MTMR2: variants seen among roughly 807,000 people sequenced by gnomAD.
The protein encoded by MTMR2 is myotubularin related protein 2.
A neutral mutation model predicts 86.9 loss-of-function variants in MTMR2; 55 were observed. That is an observed-to-expected ratio of 0.63 (90% CI 0.51 to 0.79). The LOEUF (loss-of-function observed/expected upper bound fraction) is 0.79, where lower values mean the gene tolerates loss of function less well. Among genes scored for constraint, MTMR2 ranks in the 30% least tolerant of loss-of-function variants. The pLI, the probability that MTMR2 is intolerant of heterozygous loss-of-function variation, is 0.00. For missense variants in MTMR2, 659 were observed against 772.3 expected (o/e 0.85, Z 1.74); for synonymous variants, 241 against 266.8 (o/e 0.90, Z 0.94).
intron 1 of MTMR2, among the ~76,000 whole-genome samples, chr11:95,891,633 T>C (rs1322027887): frequency 1.3e-5 from 2 of 152,206 alleles, no homozygotes; most frequent in South Asian, 2.1e-4. Flanking sequence ...TATTAACTTC[T>C]CTTCAGACAC....
intron 2 of MTMR2, among the ~76,000 whole-genome samples, chr11:95,882,762 G>A (rs577343128): frequency 4.8e-5 from 7 of 145,814 alleles, no homozygotes; most frequent in Non-Finnish European, 7.5e-5. Context: ...TCACTCTGTC[G>A]CCCAGGCTGG....
chr11:95,896,884 T>G (rs980521361), intron 1 of MTMR2, among the ~76,000 whole-genome samples: 5 of 148,582 alleles, frequency 3.4e-5, no homozygotes, highest in Admixed American at 1.3e-4. Context: ...GAGGTTGTCT[T>G]AAAAGAATGA....
chr11:95,863,016 T>C (rs535066819), intron 3 of MTMR2, among the ~76,000 whole-genome samples: 1 of 152,350 alleles, frequency 6.6e-6, no homozygotes, highest in African/African-American at 2.4e-5. Context: ...ACAATGGATC[T>C]ACATGGCATT....
intron 7 of MTMR2, among the ~76,000 whole-genome samples, chr11:95,853,510 A>G (rs1864099161): frequency 6.6e-6 from 1 of 152,116 alleles, no homozygotes; most frequent in Non-Finnish European, 1.5e-5. Flanking sequence ...CCTTTACCAG[A>G]CTTAGCAAAG....
chr11:95,844,368 C>T (rs1262361338), intron 11 of MTMR2, among the ~76,000 whole-genome samples: 1 of 152,176 alleles, frequency 6.6e-6, no homozygotes, highest in African/African-American at 2.4e-5. Context: ...AACCCTTGAA[C>T]AACACGGTTA....
intron 7 of MTMR2, among the ~76,000 whole-genome samples, chr11:95,853,358 C>G (rs1265505098): frequency 1.3e-5 from 2 of 152,154 alleles, no homozygotes; most frequent in African/African-American, 4.8e-5. Context: ...CTAATTCAGG[C>G]CATTATCACT....
At position 95,835,406 on chromosome 11, in the gene MTMR2, C is replaced by A; in HGVS notation, c.1816G>T (p.Glu606Ter). 6.2e-7 allele frequency: 1 copy of A among 1,613,178 alleles called. No individual in the cohort carries two copies. Among genetic ancestry groups the A allele is most frequent in the Non-Finnish European group, 8.5e-7 (1 of 1,179,340 alleles). The change falls in exon 15 of 15, where the codon GAG (glutamate) becomes TAG (stop). Residue 606 changes from glutamate to a stop codon, truncating the protein, a stop_gained. Coordinates refer to ENST00000346299, the MANE Select transcript of MTMR2 (RefSeq NM_016156.6). LOFTEE classifies it high-confidence loss of function. ...AGTTCCTCTACTTTTTTCTGAAGCTCTGCTCGTTTAGCAAGAAGTTCTTTG... is the reference window on the plus strand; with the variant it reads ...AGTTCCTCTACTTTTTTCTGAAGCTATGCTCGTTTAGCAAGAAGTTCTTTG... Reference protein sequence around the residue: ...RYKELLAKRAELQKKVEELQR... With the variant: ...RYKELLAKRA
intron 11 of MTMR2, among the ~76,000 whole-genome samples, chr11:95,844,460 T>C (rs960668656): frequency 1.3e-5 from 2 of 152,146 alleles, no homozygotes; most frequent in African/African-American, 4.8e-5. Context: ...GGGCCAACTT[T>C]ACATGGTCCC....
intron 7 of MTMR2, among the ~76,000 whole-genome samples, chr11:95,851,245 G>A (rs1284965931): frequency 9.2e-5 from 14 of 151,588 alleles, no homozygotes; most frequent in Admixed American, 9.2e-4. Flanking sequence ...GTATTTTTTA[G>A]TAGAGACGGG....
intron 7 of MTMR2, among the ~76,000 whole-genome samples, chr11:95,851,410 C>A (rs1864018377): frequency 6.6e-6 from 1 of 151,912 alleles, no homozygotes; most frequent in Non-Finnish European, 1.5e-5. Flanking sequence ...GTTGCCCAGG[C>A]TGGAGTGCAA....
chr11:95,872,563 G>T (rs1864932637), intron 2 of MTMR2, among the ~76,000 whole-genome samples: 1 of 152,116 alleles, frequency 6.6e-6, no homozygotes, highest in Non-Finnish European at 1.5e-5. Context: ...CTGCAAACAG[G>T]GACAATTTGA....
intron 2 of MTMR2, among the ~76,000 whole-genome samples, chr11:95,877,844 C>G (rs1865182637): frequency 6.6e-6 from 1 of 151,858 alleles, no homozygotes. Flanking sequence ...TTGGCAGGTG[C>G]CAACCCTGCT....
At chr11:95,885,238 C>G (rs951604628) in intron 2 of MTMR2, among the ~76,000 whole-genome samples, 1 of 152,050 alleles carries the variant, frequency 6.6e-6, no homozygotes, top group African/African-American at 2.4e-5. Flanking sequence ...CCCTACCCAT[C>G]GTATTATCTC....
intron 1 of MTMR2, among the ~76,000 whole-genome samples, chr11:95,890,821 T>C (rs1311468875): frequency 6.6e-6 from 1 of 152,176 alleles, no homozygotes; most frequent in Non-Finnish European, 1.5e-5. Flanking sequence ...GAAGGATCAC[T>C]TGAGCCCAGG....
chr11:95,921,942 T>C (rs904313974), intron 1 of MTMR2, among the ~76,000 whole-genome samples: 1 of 152,182 alleles, frequency 6.6e-6, no homozygotes, highest in Non-Finnish European at 1.5e-5. Context: ...GAAATAAATA[T>C]GTTCAAGTGG....
intron 1 of MTMR2, among the ~76,000 whole-genome samples, chr11:95,902,706 A>G (rs1426568805): frequency 2.0e-5 from 3 of 152,112 alleles, no homozygotes; most frequent in Non-Finnish European, 4.4e-5. Flanking sequence ...ACTAAAGCCT[A>G]GTTTTTACCT....
At chr11:95,903,729 C>G (rs138958502) in intron 1 of MTMR2, among the ~76,000 whole-genome samples, 2 of 152,190 alleles carry the variant, frequency 1.3e-5, no homozygotes, top group African/African-American at 4.8e-5. Flanking sequence ...AGATTTTCCA[C>G]AAGCTCTCCA....
intron 13 of MTMR2, 50 bp downstream of exon 13, chr11:95,838,043 GA>G: frequency 2.6e-6 from 3 of 1,148,172 alleles, no homozygotes; most frequent in Non-Finnish European, 3.9e-6. Context: ...TTCTTTTAGG[GA>G]AAAGTATACA....
chr11:95,919,103 G>T (rs574504095), intron 1 of MTMR2, among the ~76,000 whole-genome samples: 1 of 152,276 alleles, frequency 6.6e-6, no homozygotes, highest in East Asian at 1.9e-4. Flanking sequence ...CTCCTAAACT[G>T]CTAGGATTAC....
Sources: allele counts gnomAD v4.1 joint callset (sites outside exome capture counted in the v4.1 genomes callset), GRCh38; gene constraint gnomAD v4.1.1; transcripts MANE v1.5; gene names NCBI Gene and HGNC (gene_info 2026-07-23, HGNC 2026-07-21).